Variants in WDR82 observed in about 807,000 individuals in gnomAD.
The protein encoded by WDR82 is WD repeat-containing protein 82.
A neutral mutation model predicts 36.1 loss-of-function variants in WDR82; 8 were observed. The ratio of observed to expected loss-of-function variants is 0.22; its 90% CI spans 0.13 to 0.40. The LOEUF is 0.40. Among genes scored for constraint, WDR82 ranks in the 10% least tolerant of loss-of-function variants. The pLI is 1.00. For synonymous variants in WDR82, 129 were observed against 137.8 expected (o/e 0.94, Z 0.45); for missense variants, 185 against 400.5 (o/e 0.46, Z 4.59).
chr3:52,260,545 C>A (rs538726152), intron 4 of WDR82, 44 bp from the exon 5 acceptor site: 3 of 1,378,126 alleles, frequency 2.2e-6, no homozygotes, highest in Admixed American at 2.5e-5. Context: ...ACACATGCCA[C>A]AACCATACGT....
chr3:52,277,266 A>C (rs951046124), intron 1 of WDR82, among the ~76,000 whole-genome samples: 2 of 152,012 alleles, frequency 1.3e-5, no homozygotes, highest in African/African-American at 4.8e-5. Flanking sequence ...TGCGGTGAGG[A>C]GGGCTGACAA....
chr3:52,267,162 C>A, intron 2 of WDR82, 144 bp from the exon 3 acceptor site: 1 of 575,316 alleles, frequency 1.7e-6, no homozygotes, highest in Non-Finnish European at 3.0e-6. Flanking sequence ...GTGAATAATT[C>A]TACTCTGCAG....
At chr3:52,278,105 G>A in intron 1 of WDR82, 96 bp downstream of exon 1, 4 of 1,330,948 alleles carry the variant, frequency 3.0e-6, no homozygotes, top group Non-Finnish European at 3.9e-6. Context: ...AATAGGCTGG[G>A]GGCTGAAGTC....
intron 3 of WDR82, 27 bp downstream of exon 3, chr3:52,266,925 T>C (rs372254179): frequency 1.3e-6 from 2 of 1,589,098 alleles, no homozygotes; most frequent in Non-Finnish European, 1.7e-6. Flanking sequence ...AAAAGAACTA[T>C]CTGCTTCTAT....
intron 1 of WDR82, among the ~76,000 whole-genome samples, chr3:52,273,268 A>G (rs1368824047): frequency 6.6e-6 from 1 of 152,076 alleles, no homozygotes; most frequent in African/African-American, 2.4e-5. Flanking sequence ...CATCTCTACT[A>G]AAAATTAAAA....
chr3:52,257,760 G>A (rs749217537), intron 8 of WDR82, among the ~76,000 whole-genome samples: 3 of 151,856 alleles, frequency 2.0e-5, no homozygotes, highest in East Asian at 3.9e-4. Flanking sequence ...CAGACCCCCC[G>A]CCCCCTTTTT....
rs1371757978 is a variant in WDR82, at chr3:52,257,286, G to A, written c.*204C>T. 7.7e-6 allele frequency: 5 copies of A among 651,556 alleles called. No homozygotes were observed. The highest frequency in any genetic ancestry group is 1.3e-5 in the Non-Finnish European group (5 of 383,880). 40.4% of individuals were successfully genotyped at this position (651,556 alleles called of 1,614,324 possible). Reference sequence around the variant, plus strand: ...GAAAAGCTGAGTTCCAATTGAGTCTGTTGCACCAAGAGTCCTTTTGAAGAC... The same window carrying A: ...GAAAAGCTGAGTTCCAATTGAGTCTATTGCACCAAGAGTCCTTTTGAAGAC... On this transcript the variant is annotated 3_prime_UTR_variant, in exon 9 of 9. Coordinates refer to ENST00000296490, the MANE Select transcript of WDR82 (RefSeq NM_025222.4).
chr3:52,275,586 C>A (rs1365322028), intron 1 of WDR82, among the ~76,000 whole-genome samples: 1 of 152,096 alleles, frequency 6.6e-6, no homozygotes, highest in African/African-American at 2.4e-5. Flanking sequence ...TGTCTTTGTG[C>A]TTAGAAAATC....
Position 52,259,177 on chromosome 3 carries a change from G to A in WDR82, c.769+20C>T, listed in dbSNP as rs748881462. The A allele has an allele frequency of 2.0e-5, 33 of 1,610,118 alleles. No individual in the cohort carries two copies. The highest frequency in any genetic ancestry group is 2.6e-5 in the Non-Finnish European group (31 of 1,177,032). ...TAGTACCAGAGAAATAACCCCCACA[G>A]GGGATAAAAGGAAACTCACCAATCA... On this transcript the variant is annotated intron_variant, in intron 7 of 8. Transcript: ENST00000296490.
chr3:52,260,605 G>C (rs1700052842), intron 4 of WDR82, 104 bp from the exon 5 acceptor site: 2 of 671,200 alleles, frequency 3.0e-6, no homozygotes, highest in Admixed American at 6.3e-5. Flanking sequence ...ATGAATCCAG[G>C]ACCTTACCAC....
chr3:52,258,487 C>T (rs574115666), intron 8 of WDR82, 49 bp downstream of exon 8: 3 of 1,610,580 alleles, frequency 1.9e-6, no homozygotes, highest in East Asian at 4.5e-5. Flanking sequence ...CCCACCACCC[C>T]AACTGGGAAG....
Position 52,254,551 on chromosome 3 carries a change from G to A in WDR82, c.*2939C>T, listed in dbSNP as rs1190645716. 6.6e-6 allele frequency: 1 copy of A among 152,662 alleles called. No individual in the cohort carries two copies. Among genetic ancestry groups the A allele is most frequent in the Admixed American group, 6.5e-5 (1 of 15,286 alleles). 9.5% of individuals were successfully genotyped at this position (152,662 alleles called of 1,614,324 possible). Reference sequence around the variant, plus strand: ...ACACCAAAAATCTATGCACAGAAATGTCTAGGGGGAACATTTAACACCAAA... The same window carrying A: ...ACACCAAAAATCTATGCACAGAAATATCTAGGGGGAACATTTAACACCAAA... On this transcript the variant is annotated 3_prime_UTR_variant, in exon 9 of 9. Coordinates refer to ENST00000296490, the MANE Select transcript of WDR82 (RefSeq NM_025222.4).
intron 2 of WDR82, chr3:52,268,058 ATAT>A (rs1291817645): frequency 2.7e-5 from 7 of 257,434 alleles, no homozygotes; most frequent in Admixed American, 1.4e-4. Flanking sequence ...GGGAATAGGG[ATAT>A]TTGTATATTC....
In WDR82 at chr3:52,267,037, G is replaced by C; in HGVS notation, c.260-19C>G. ...ATAGTATCTGTAAAAAGACAAACAA[G>C]GTATGATGATATCATACTATTTAAA... On this transcript the variant is annotated intron_variant, in intron 2 of 8. Coordinates refer to ENST00000296490, the MANE Select transcript of WDR82 (RefSeq NM_025222.4). The C allele has an allele frequency of 1.3e-6, 2 of 1,587,374 alleles. No individual in the cohort carries two copies. The highest frequency in any genetic ancestry group is 1.7e-6 in the Non-Finnish European group (2 of 1,159,122).
chr3:52,272,774 G>T (rs923594079), intron 1 of WDR82, among the ~76,000 whole-genome samples: 2 of 152,140 alleles, frequency 1.3e-5, no homozygotes, highest in African/African-American at 2.4e-5. Context: ...AATCCTCTCA[G>T]AATCTAGGTA....
intron 8 of WDR82, 117 bp downstream of exon 8, chr3:52,258,419 T>G: frequency 8.4e-7 from 1 of 1,188,066 alleles, no homozygotes; most frequent in South Asian, 1.4e-5. Flanking sequence ...GAGAAACATG[T>G]ACTTGGATGC....
chr3:52,269,651 A>T (rs1189246488), intron 2 of WDR82, among the ~76,000 whole-genome samples: 1 of 151,960 alleles, frequency 6.6e-6, no homozygotes, highest in Non-Finnish European at 1.5e-5. Flanking sequence ...AATTACTTGA[A>T]CCCGGGAGGC....
intron 1 of WDR82, among the ~76,000 whole-genome samples, chr3:52,275,421 C>G (rs1700194383): frequency 6.6e-6 from 1 of 152,090 alleles, no homozygotes; most frequent in South Asian, 2.1e-4. Context: ...AAACTAGTAC[C>G]CAGTTCCCTC....
At chr3:52,261,336 AC>A in intron 4 of WDR82, 43 bp downstream of exon 4, 1 of 1,548,272 alleles carries the variant, frequency 6.5e-7, no homozygotes, top group Non-Finnish European at 8.9e-7. Context: ...TACAGTGCCT[AC>A]CAAAGAAAAT....
Sources: gnomAD v4.1 joint callset for allele counts (sites outside exome capture counted in the v4.1 genomes callset) on GRCh38, gnomAD v4.1.1 for gene constraint, MANE v1.5 for transcripts, NCBI Gene and HGNC (gene_info 2026-07-23, HGNC 2026-07-21) for gene names.